Variants in NUBPL observed in about 807,000 individuals in gnomAD.
NUBPL encodes iron-sulfur cluster transfer protein NUBPL.
In NUBPL, 31 loss-of-function variants were observed where a neutral mutation model predicts 45.7. The observed-to-expected ratio is 0.68, with a 90% CI of 0.51 to 0.92. The LOEUF (loss-of-function observed/expected upper bound fraction) is 0.92, where lower values mean the gene tolerates loss of function less well. Ranked by LOEUF, NUBPL falls within the 40% of genes least tolerant of loss-of-function variation. NUBPL has a pLI of 0.00. For missense variants in NUBPL, 401 were observed against 398.7 expected, an observed-to-expected ratio of 1.01 and a Z score of -0.05; for synonymous variants, 144 against 140.9, an observed-to-expected ratio of 1.02 and a Z score of -0.15.
chr14:31,664,021 T>C (rs1417495783), intron 4 of NUBPL, among the ~76,000 whole-genome samples: 1 of 152,238 alleles, frequency 6.6e-6, no homozygotes, highest in Non-Finnish European at 1.5e-5. Context: ...AGTTCACTCA[T>C]GATTTGGCTC....
intron 6 of NUBPL, among the ~76,000 whole-genome samples, chr14:31,723,823 A>G (rs1282495063): frequency 6.6e-6 from 1 of 152,220 alleles, no homozygotes; most frequent in African/African-American, 2.4e-5. Flanking sequence ...GAAGTTGTTT[A>G]TCAGCGTAAG....
chr14:31,614,872 A>G (rs2034854921), intron 4 of NUBPL, among the ~76,000 whole-genome samples: 1 of 152,238 alleles, frequency 6.6e-6, no homozygotes, highest in African/African-American at 2.4e-5. Context: ...GTGTAAACCT[A>G]GAGATGGTAA....
At chr14:31,745,401 A>T (rs547592189) in intron 6 of NUBPL, among the ~76,000 whole-genome samples, 2 of 152,258 alleles carry the variant, frequency 1.3e-5, no homozygotes, top group African/African-American at 4.8e-5. Flanking sequence ...TTATGGCTGC[A>T]TAGTATTCCA....
intron 6 of NUBPL, among the ~76,000 whole-genome samples, chr14:31,779,031 T>G (rs982502659): frequency 6.6e-6 from 1 of 152,076 alleles, no homozygotes; most frequent in Non-Finnish European, 1.5e-5. Flanking sequence ...CAGGTGATGG[T>G]AAGATGAGGA....
chr14:31,613,610 A>G (rs1183595998), intron 4 of NUBPL, among the ~76,000 whole-genome samples: 3 of 152,052 alleles, frequency 2.0e-5, no homozygotes, highest in Non-Finnish European at 4.4e-5. Context: ...GGCACGCACC[A>G]CCATGCCCAG....
chr14:31,621,725 T>C (rs917595887), intron 4 of NUBPL, among the ~76,000 whole-genome samples: 5 of 152,236 alleles, frequency 3.3e-5, no homozygotes, highest in African/African-American at 1.2e-4. Context: ...ACTGGAGCTG[T>C]TCTTATTCAG....
intron 4 of NUBPL, among the ~76,000 whole-genome samples, chr14:31,643,075 A>G (rs1257119964): frequency 3.9e-5 from 6 of 152,104 alleles, no homozygotes; most frequent in Non-Finnish European, 1.5e-5. Context: ...AGGCTTTTCT[A>G]TGTATAATAT....
chr14:31,733,711 C>T (rs1191782734), intron 6 of NUBPL, among the ~76,000 whole-genome samples: 1 of 152,126 alleles, frequency 6.6e-6, no homozygotes, highest in African/African-American at 2.4e-5. Context: ...TATATGTAAT[C>T]ATGTCATCTA....
intron 10 of NUBPL, among the ~76,000 whole-genome samples, chr14:31,854,016 A>G (rs770489320): frequency 6.6e-6 from 1 of 152,222 alleles, no homozygotes; most frequent in African/African-American, 2.4e-5. Flanking sequence ...CTACAGAAAG[A>G]TGTGCTATAA....
At chr14:31,801,221 T>A (rs1354902143) in intron 7 of NUBPL, 1 of 152,216 alleles carries the variant, frequency 6.6e-6, no homozygotes, top group Non-Finnish European at 1.5e-5. Flanking sequence ...CACAGTCTCA[T>A]CTCCTTTTGT....
At chr14:31,760,631 T>C (rs1316629534) in intron 6 of NUBPL, among the ~76,000 whole-genome samples, 1 of 152,204 alleles carries the variant, frequency 6.6e-6, no homozygotes, top group East Asian at 1.9e-4. Context: ...TCATCCACGC[T>C]GTCATAAATG....
intron 4 of NUBPL, among the ~76,000 whole-genome samples, chr14:31,607,996 G>T (rs898003053): frequency 2.0e-5 from 3 of 152,076 alleles, no homozygotes; most frequent in Non-Finnish European, 4.4e-5. Flanking sequence ...AGCAGCAAGA[G>T]AAAAGAAATA....
At chr14:31,602,247 G>A (rs535644881) in intron 4 of NUBPL, among the ~76,000 whole-genome samples, 1 of 151,900 alleles carries the variant, frequency 6.6e-6, no homozygotes, top group East Asian at 1.9e-4. Context: ...TGTGGGGTGG[G>A]AGGAGGGGGG....
chr14:31,605,423 G>C (rs183237704), intron 4 of NUBPL, among the ~76,000 whole-genome samples: 1 of 152,194 alleles, frequency 6.6e-6, no homozygotes, highest in Non-Finnish European at 1.5e-5. Flanking sequence ...TGTGGAGAGA[G>C]TTTACTAAAA....
chr14:31,691,919 A>G (rs2037103004), intron 6 of NUBPL, among the ~76,000 whole-genome samples: 1 of 152,144 alleles, frequency 6.6e-6, no homozygotes, highest in Non-Finnish European at 1.5e-5. Context: ...ATTTCACCAT[A>G]TGTCCTTCTA....
intron 3 of NUBPL, among the ~76,000 whole-genome samples, chr14:31,587,885 A>G (rs1239635014): frequency 2.6e-5 from 4 of 152,166 alleles, no homozygotes; most frequent in Non-Finnish European, 5.9e-5. Flanking sequence ...ATTCTTAAAG[A>G]TTTTATAGTT....
intron 6 of NUBPL, among the ~76,000 whole-genome samples, chr14:31,762,759 T>G (rs954161247): frequency 6.6e-6 from 1 of 151,238 alleles, no homozygotes; most frequent in Non-Finnish European, 1.5e-5. Context: ...TAGCCTTCCT[T>G]GAAGGCAAGA....
intron 6 of NUBPL, among the ~76,000 whole-genome samples, chr14:31,709,339 G>A (rs908675926): frequency 2.0e-5 from 3 of 152,200 alleles, no homozygotes; most frequent in Non-Finnish European, 2.9e-5. Context: ...AATAATTCAT[G>A]TACTTTTTCC....
At chr14:31,619,592 A>G (rs1485333396) in intron 4 of NUBPL, among the ~76,000 whole-genome samples, 3 of 152,172 alleles carry the variant, frequency 2.0e-5, no homozygotes, top group Non-Finnish European at 4.4e-5. Context: ...TCTTTTCTTT[A>G]TGAATGTTGA....
Sources: gnomAD v4.1 joint callset for allele counts (sites outside exome capture counted in the v4.1 genomes callset) on GRCh38, gnomAD v4.1.1 for gene constraint, MANE v1.5 for transcripts, NCBI Gene and HGNC (gene_info 2026-07-23, HGNC 2026-07-21) for gene names.